The following TRIM49 variants were observed in gnomAD, a reference collection of about 807,000 sequenced individuals.
TRIM49 encodes tripartite motif containing 49, also known as tripartite motif-containing protein 49.
A neutral mutation model predicts 27.4 loss-of-function variants in TRIM49; 5 were observed. The observed-to-expected ratio is 0.18, with a 90% confidence interval of 0.10 to 0.38. TRIM49 has a LOEUF of 0.38. Ranked by LOEUF, TRIM49 falls within the 10% of genes least tolerant of loss-of-function variation. TRIM49 has a pLI of 1.00. For synonymous variants in TRIM49, 69 were observed against 166.0 expected (o/e 0.42, Z 4.49); for missense variants, 188 against 487.5 (o/e 0.39, Z 5.79).
chr11:89,768,854 G>C, the TRIM49 span: 15 of 505,314 alleles, frequency 3.0e-5, 1 homozygote, highest in African/African-American at 4.1e-4. Context: ...GAGAGAGAGA[G>C]AGAGAGAGAG....
chr11:89,790,428 T>A, the TRIM49 span, among the ~76,000 whole-genome samples: 1 of 150,780 alleles, frequency 6.6e-6, no homozygotes, highest in South Asian at 2.1e-4. Context: ...CAGCACAGAG[T>A]TTGAGATCTG....
intron 6 of TRIM49, among the ~76,000 whole-genome samples, chr11:89,800,020 C>A (rs1160404333): frequency 2.7e-5 from 4 of 148,368 alleles, no homozygotes; most frequent in Non-Finnish European, 5.9e-5. Flanking sequence ...CCAATCTGAT[C>A]CTTCTTTTTT....
At chr11:89,776,688 G>C in the TRIM49 span, among the ~76,000 whole-genome samples, 23 of 152,050 alleles carry the variant, frequency 1.5e-4, no homozygotes. Flanking sequence ...ATAGGTTTAC[G>C]TTACATGCAA....
the TRIM49 span, among the ~76,000 whole-genome samples, chr11:89,772,495 T>A: frequency 1.6e-5 from 2 of 126,504 alleles, no homozygotes; most frequent in Non-Finnish European, 3.1e-5. Flanking sequence ...TGTGAAACCC[T>A]GTGTTTATCT....
chr11:89,791,224 C>A, the TRIM49 span, among the ~76,000 whole-genome samples: 14 of 151,854 alleles, frequency 9.2e-5, no homozygotes, highest in Non-Finnish European at 1.6e-4. Flanking sequence ...TGAACAAAGC[C>A]TCCAAGAAAT....
At chr11:89,785,273 C>T in the TRIM49 span, among the ~76,000 whole-genome samples, 35 of 139,294 alleles carry the variant, frequency 2.5e-4, no homozygotes, top group African/African-American at 3.2e-4. Context: ...AATAAAATCA[C>T]CTCTTGAATG....
chr11:89,793,810 C>T (rs1248959391), downstream of TRIM49, among the ~76,000 whole-genome samples: 7 of 151,926 alleles, frequency 4.6e-5, no homozygotes, highest in Non-Finnish European at 1.0e-4. Context: ...TGGAAGCATG[C>T]CCTTAGAAAA....
At chr11:89,793,330 C>T (rs1949667833), downstream of TRIM49, among the ~76,000 whole-genome samples, 1 of 152,140 alleles carries the variant, frequency 6.6e-6, no homozygotes, top group African/African-American at 2.4e-5. Context: ...ACCATTCCTT[C>T]TGAAACTATT....
chr11:89,800,265 A>G (rs1477379675), intron 6 of TRIM49, among the ~76,000 whole-genome samples: 3 of 151,418 alleles, frequency 2.0e-5, no homozygotes, highest in Non-Finnish European at 4.4e-5. Context: ...CTAACACTCC[A>G]CAGTTTTTTT....
At chr11:89,769,048 G>A in the TRIM49 span, among the ~76,000 whole-genome samples, 1 of 134,942 alleles carries the variant, frequency 7.4e-6, no homozygotes, top group Non-Finnish European at 1.5e-5. Flanking sequence ...CAGGTGTGGT[G>A]GTGCATGCTT....
Position 89,798,018 on chromosome 11 carries a change from T to A in TRIM49, c.*112A>T. 1 of 586,858 alleles carries A rather than the reference T, an allele frequency of 1.7e-6. No homozygotes were observed. Among genetic ancestry groups the A allele is most frequent in the Admixed American group, 5.4e-5 (1 of 18,508 alleles). 36.4% of individuals were successfully genotyped at this position (586,858 alleles called of 1,614,324 possible). The stretch of plus-strand genomic sequence containing the variant: ...AGTTTTGATAACATTAGAAGGCAAT[T>A]CAAGACATAAAATAGAGCCTATTTG... On this transcript the variant is annotated 3_prime_UTR_variant, in exon 8 of 8. Coordinates refer to ENST00000329758, the MANE Select transcript of TRIM49 (RefSeq NM_020358.2).
At chr11:89,802,580 C>CACATACAT (rs199832331) in intron 4 of TRIM49, among the ~76,000 whole-genome samples, 7 of 147,156 alleles carry the variant, frequency 4.8e-5, no homozygotes, top group African/African-American at 1.0e-4. Flanking sequence ...CAAACACACA[C>CACATACAT]ACATACATAC....
At chr11:89,777,400 C>G in the TRIM49 span, 7 of 1,538,626 alleles carry the variant, frequency 4.5e-6, no homozygotes, top group Non-Finnish European at 5.2e-6. Context: ...CGTGATGCCT[C>G]TAAGGCAGTT....
At chr11:89,794,176 TAA>T (rs1352020540), downstream of TRIM49, among the ~76,000 whole-genome samples, 1 of 121,306 alleles carries the variant, frequency 8.2e-6, no homozygotes, top group Non-Finnish European at 1.7e-5. Flanking sequence ...GAATCCAACT[TAA>T]AGAGACGTGA....
At chr11:89,805,698 T>C (rs1949783732) in intron 2 of TRIM49, among the ~76,000 whole-genome samples, 1 of 147,498 alleles carries the variant, frequency 6.8e-6, no homozygotes, top group African/African-American at 2.6e-5. Context: ...CTGAGAAATG[T>C]GTCAGGTGTT....
chr11:89,796,169 A>T (rs965239134), downstream of TRIM49, among the ~76,000 whole-genome samples: 35 of 152,148 alleles, frequency 2.3e-4, no homozygotes, highest in Non-Finnish European at 4.3e-4. Context: ...ATTTTAAATA[A>T]ATCAATATTT....
chr11:89,793,502 G>A (rs1235386556), downstream of TRIM49, among the ~76,000 whole-genome samples: 1 of 152,146 alleles, frequency 6.6e-6, no homozygotes, highest in Non-Finnish European at 1.5e-5. Flanking sequence ...CTGACAAACA[G>A]AATCCAGCAG....
chr11:89,785,628 A>C, the TRIM49 span, among the ~76,000 whole-genome samples: 3 of 145,586 alleles, frequency 2.1e-5, 1 homozygote, highest in South Asian at 6.4e-4. Context: ...AAATTCTTCC[A>C]TAATAATTGA....
chr11:89,800,069 T>C lies in TRIM49; in HGVS notation c.762-256A>G, dbSNP rs549414531. Among the ~76,000 whole-genome samples, 182 of 151,036 alleles carry C rather than the reference T, an allele frequency of 1.2e-3. 3 individuals carry two copies. Among genetic ancestry groups the C allele is most frequent in the African/African-American group, 4.2e-3 (170 of 40,646 alleles). On this transcript the variant is annotated intron_variant, in intron 6 of 7. Coordinates refer to ENST00000329758, the MANE Select transcript of TRIM49 (RefSeq NM_020358.2). The stretch of plus-strand genomic sequence containing the variant: ...AAATGTGTAAGGTTCCTTAGCTTTA[T>C]GGCCTTGAGAATATTTAGAAACGAA...
Sources: allele counts gnomAD v4.1 joint callset (sites outside exome capture counted in the v4.1 genomes callset), GRCh38; gene constraint gnomAD v4.1.1; transcripts MANE v1.5; gene names NCBI Gene and HGNC (gene_info 2026-07-23, HGNC 2026-07-21).